The following GRM7 variants were observed in gnomAD, a reference collection of about 807,000 sequenced individuals.
GRM7 encodes the protein metabotropic glutamate receptor 7.
Under a neutral mutation model 84.5 loss-of-function variants are expected in GRM7, and 35 were observed. The observed-to-expected ratio is 0.41, with a 90% CI of 0.32 to 0.55. The LOEUF is 0.55. GRM7 is among the 20% of genes least tolerant of loss of function. The pLI, the probability that GRM7 is intolerant of heterozygous loss-of-function variation, is 0.19. For synonymous variants in GRM7, 487 were observed against 455.1 expected, an observed-to-expected ratio of 1.07 and a Z score of -0.89; for missense variants, 1,003 against 1,194.6, an observed-to-expected ratio of 0.84 and a Z score of 2.36.
At chr3:7,637,777 A>C (rs1698167259) in intron 8 of GRM7, among the ~76,000 whole-genome samples, 1 of 152,248 alleles carries the variant, frequency 6.6e-6, no homozygotes, top group Admixed American at 6.5e-5. Context: ...TGACAGCAAC[A>C]GCTAGTGCAA....
intron 2 of GRM7, among the ~76,000 whole-genome samples, chr3:7,202,055 G>T (rs1399906424): frequency 1.3e-5 from 2 of 151,676 alleles, no homozygotes; most frequent in Non-Finnish European, 2.9e-5. Context: ...CTTCTATTAG[G>T]ATCTGGTGCT....
chr3:7,363,314 A>G (rs942226623), intron 4 of GRM7, among the ~76,000 whole-genome samples: 8 of 152,060 alleles, frequency 5.3e-5, no homozygotes, highest in African/African-American at 1.9e-4. Context: ...TAACCACTGA[A>G]AAGATCATGA....
intron 1 of GRM7, among the ~76,000 whole-genome samples, chr3:6,870,613 T>C (rs1007185307): frequency 1.3e-5 from 2 of 152,104 alleles, no homozygotes; most frequent in African/African-American, 4.8e-5. Context: ...CTCTGTGGTA[T>C]TGAGGGTAAG....
chr3:7,048,855 G>T (rs991079260), intron 1 of GRM7, among the ~76,000 whole-genome samples: 9 of 151,502 alleles, frequency 5.9e-5, no homozygotes, highest in Non-Finnish European at 1.3e-4. Flanking sequence ...ATTTTTTGAC[G>T]AACACTTCCT....
chr3:7,712,261 T>G (rs538746817), intron 9 of GRM7, among the ~76,000 whole-genome samples: 1 of 152,322 alleles, frequency 6.6e-6, no homozygotes, highest in Admixed American at 6.5e-5. Context: ...TCTCATAATG[T>G]GTATGATATG....
intron 7 of GRM7, among the ~76,000 whole-genome samples, chr3:7,511,555 C>T (rs138942450): frequency 2.6e-5 from 4 of 151,406 alleles, no homozygotes; most frequent in African/African-American, 2.5e-5. Flanking sequence ...TCTTCAGCTG[C>T]GTTTTGCCCA....
intron 1 of GRM7, among the ~76,000 whole-genome samples, chr3:7,037,224 G>T (rs1696418835): frequency 6.6e-6 from 1 of 152,084 alleles, no homozygotes; most frequent in Non-Finnish European, 1.5e-5. Context: ...TTAGAAAAAA[G>T]ACTTGTTTGT....
chr3:7,207,924 A>G (rs1388645126), intron 2 of GRM7, among the ~76,000 whole-genome samples: 1 of 152,204 alleles, frequency 6.6e-6, no homozygotes, highest in Non-Finnish European at 1.5e-5. Flanking sequence ...TATTTATTCA[A>G]ACTTGTTTCT....
At chr3:6,969,944 C>G (rs973262953) in intron 1 of GRM7, among the ~76,000 whole-genome samples, 53 of 152,178 alleles carry the variant, frequency 3.5e-4, no homozygotes, top group Non-Finnish European at 1.3e-4. Context: ...GTGTGTAAAG[C>G]AGAAATGCAT....
At chr3:6,939,183 T>G (rs17046422) in intron 1 of GRM7, among the ~76,000 whole-genome samples, 1 of 152,110 alleles carries the variant, frequency 6.6e-6, no homozygotes, top group African/African-American at 2.4e-5. Flanking sequence ...AAAAGTTACT[T>G]GATCTATACA....
At chr3:7,510,240 T>G (rs895454631) in intron 7 of GRM7, among the ~76,000 whole-genome samples, 2 of 152,184 alleles carry the variant, frequency 1.3e-5, no homozygotes, top group Admixed American at 1.3e-4. Flanking sequence ...TTGTCACTTT[T>G]TCTTTTTCTG....
intron 4 of GRM7, among the ~76,000 whole-genome samples, chr3:7,362,422 A>G (rs1693705623): frequency 6.6e-6 from 1 of 152,128 alleles, no homozygotes; most frequent in South Asian, 2.1e-4. Flanking sequence ...TTATTTGGTC[A>G]ATATCTCAGC....
intron 1 of GRM7, among the ~76,000 whole-genome samples, chr3:7,009,566 A>T (rs542382485): frequency 6.6e-6 from 1 of 152,334 alleles, no homozygotes; most frequent in South Asian, 2.1e-4. Context: ...GACTCTTTCA[A>T]AATATAGATA....
At chr3:7,031,566 G>A (rs532203021) in intron 1 of GRM7, among the ~76,000 whole-genome samples, 133 of 151,832 alleles carry the variant, frequency 8.8e-4, no homozygotes, top group African/African-American at 2.0e-3. Flanking sequence ...ACAGGCGCCC[G>A]CCACCACGCC....
chr3:7,520,364 C>G (rs1427199264), intron 7 of GRM7: 2 of 152,122 alleles, frequency 1.3e-5, no homozygotes, highest in African/African-American at 2.4e-5. Context: ...TGTGGTCAGC[C>G]AGGTATGTAT....
chr3:7,327,662 T>C (rs534866450), intron 4 of GRM7, among the ~76,000 whole-genome samples: 2 of 152,348 alleles, frequency 1.3e-5, no homozygotes, highest in East Asian at 1.9e-4. Flanking sequence ...GATGACTTGA[T>C]TTTCACACCA....
chr3:7,553,228 C>G (rs1373965935), intron 7 of GRM7, among the ~76,000 whole-genome samples: 1 of 152,222 alleles, frequency 6.6e-6, no homozygotes, highest in South Asian at 2.1e-4. Flanking sequence ...CAATTCCCAA[C>G]AAGTTCCTCA....
At chr3:7,649,014 C>G (rs1307216879) in intron 8 of GRM7, among the ~76,000 whole-genome samples, 1 of 151,974 alleles carries the variant, frequency 6.6e-6, no homozygotes, top group African/African-American at 2.4e-5. Context: ...GTGTGTCTGC[C>G]AGATAGTACC....
At chr3:7,274,369 G>T (rs898406711) in intron 2 of GRM7, among the ~76,000 whole-genome samples, 1 of 151,816 alleles carries the variant, frequency 6.6e-6, no homozygotes, top group African/African-American at 2.4e-5. Flanking sequence ...CCTCCATGTA[G>T]ATATGAGTTT....
Sources: gnomAD v4.1 joint callset for allele counts (sites outside exome capture counted in the v4.1 genomes callset) on GRCh38, gnomAD v4.1.1 for gene constraint, MANE v1.5 for transcripts, NCBI Gene and HGNC (gene_info 2026-07-23, HGNC 2026-07-21) for gene names.